The following CFDP1 variants were observed in gnomAD, a reference collection of about 807,000 sequenced individuals.
CFDP1 encodes chromatin remodeling protein CFDP1.
Under a neutral mutation model 40.1 loss-of-function variants are expected in CFDP1, and 31 were observed. That is an observed-to-expected ratio of 0.77 (90% CI 0.58 to 1.04). CFDP1 has a LOEUF of 1.04. Among genes scored for constraint, CFDP1 ranks in the 50% least tolerant of loss-of-function variants. The pLI, the probability that CFDP1 is intolerant of heterozygous loss-of-function variation, is 0.00. For synonymous variants in CFDP1, 167 were observed against 120.0 expected (o/e 1.39, Z -2.56); for missense variants, 423 against 343.4 (o/e 1.23, Z -1.83).
intron 5 of CFDP1, among the ~76,000 whole-genome samples, chr16:75,361,959 A>C (rs1001437119): frequency 5.9e-5 from 9 of 152,176 alleles, no homozygotes; most frequent in African/African-American, 2.2e-4. Flanking sequence ...CAAGCAAAAG[A>C]GCCTGTCTTG....
At chr16:75,333,145 A>G (rs982337604) in intron 5 of CFDP1, among the ~76,000 whole-genome samples, 40 of 108,608 alleles carry the variant, frequency 3.7e-4, no homozygotes, top group Non-Finnish European at 1.1e-4. Context: ...TTTTTTTGAG[A>G]TGGAGTCTCG....
chr16:75,391,778 G>C (rs1392303388), intron 5 of CFDP1, among the ~76,000 whole-genome samples: 2 of 151,846 alleles, frequency 1.3e-5, no homozygotes, highest in Non-Finnish European at 2.9e-5. Flanking sequence ...AGACCAGCCT[G>C]GACAACATGG....
chr16:75,404,729 G>C (rs762553268), intron 4 of CFDP1, among the ~76,000 whole-genome samples: 10 of 151,218 alleles, frequency 6.6e-5, no homozygotes, highest in Non-Finnish European at 1.5e-4. Context: ...TAAAACCAAT[G>C]CTGTGAAATA....
At chr16:75,335,278 GC>G (rs1285650828) in intron 5 of CFDP1, among the ~76,000 whole-genome samples, 1 of 152,140 alleles carries the variant, frequency 6.6e-6, no homozygotes, top group African/African-American at 2.4e-5. Flanking sequence ...TCTTGTCAGT[GC>G]CCCTTTGCCC....
intron 5 of CFDP1, among the ~76,000 whole-genome samples, chr16:75,311,503 CAT>C (rs945323376): frequency 2.6e-4 from 40 of 152,110 alleles, no homozygotes; most frequent in African/African-American, 8.9e-4. Flanking sequence ...CACTTTTTCT[CAT>C]AACAAAATAT....
intron 5 of CFDP1, among the ~76,000 whole-genome samples, chr16:75,316,990 G>C (rs2078327533): frequency 6.6e-6 from 1 of 151,776 alleles, no homozygotes; most frequent in African/African-American, 2.4e-5. Context: ...CTCAAAAAAA[G>C]ATAATAAATA....
chr16:75,422,210 C>G (rs892763546), intron 1 of CFDP1, among the ~76,000 whole-genome samples: 1 of 152,080 alleles, frequency 6.6e-6, no homozygotes, highest in East Asian at 1.9e-4. Flanking sequence ...TATTCTCCTG[C>G]CTCAGCCTCC....
intron 5 of CFDP1, among the ~76,000 whole-genome samples, chr16:75,309,474 T>C (rs775581664): frequency 2.0e-5 from 3 of 151,814 alleles, no homozygotes; most frequent in Non-Finnish European, 4.4e-5. Flanking sequence ...CTGTGTATAT[T>C]GGAAAACTGT....
At chr16:75,308,734 C>T (rs2078274506) in intron 5 of CFDP1, among the ~76,000 whole-genome samples, 1 of 152,200 alleles carries the variant, frequency 6.6e-6, no homozygotes, top group South Asian at 2.1e-4. Flanking sequence ...TGGGCAGCAC[C>T]ACAAGCTATG....
chr16:75,356,647 T>A (rs1043137310), intron 5 of CFDP1, among the ~76,000 whole-genome samples: 2 of 152,146 alleles, frequency 1.3e-5, no homozygotes, highest in Non-Finnish European at 2.9e-5. Flanking sequence ...TCACTCGAAA[T>A]TTTGAAGCCA....
intron 5 of CFDP1, among the ~76,000 whole-genome samples, chr16:75,346,350 G>A (rs1434692818): frequency 8.5e-5 from 13 of 152,112 alleles, no homozygotes; most frequent in African/African-American, 2.4e-4. Flanking sequence ...TTGGCAGGCC[G>A]AGGCAGGTGG....
In CFDP1 at chr16:75,297,656, T is replaced by TC. The variant is rs902299222; in HGVS notation, c.810-3615dup. Among the ~76,000 whole-genome samples, 4 of 152,176 alleles carry TC rather than the reference T, an allele frequency of 2.6e-5. No homozygotes were observed. In the South Asian group the frequency reaches 6.2e-4, roughly 24 times the overall value. ...AAGCCTAGTGGTGGGGGATGCATCATCCCTTTCTGCTTCCATTGCCTTCTG... is the reference window on the plus strand; with the variant it reads ...AAGCCTAGTGGTGGGGGATGCATCATCCCCTTTCTGCTTCCATTGCCTTCTG... On this transcript the variant is annotated intron_variant, in intron 6 of 6. Coordinates refer to ENST00000283882, the MANE Select transcript of CFDP1 (RefSeq NM_006324.3).
At chr16:75,299,675 A>G (rs1179114482) in intron 6 of CFDP1, among the ~76,000 whole-genome samples, 9 of 152,120 alleles carry the variant, frequency 5.9e-5, no homozygotes, top group Non-Finnish European at 1.3e-4. Context: ...ATGGGTGTTT[A>G]GACACTGCCA....
chr16:75,386,812 G>A (rs192882761), intron 5 of CFDP1, among the ~76,000 whole-genome samples: 16 of 152,282 alleles, frequency 1.1e-4, no homozygotes. Context: ...CGAATTGTCA[G>A]ATATCCTCTT....
At chr16:75,304,334 C>A (rs2078243553) in intron 6 of CFDP1, among the ~76,000 whole-genome samples, 1 of 152,224 alleles carries the variant, frequency 6.6e-6, no homozygotes, top group Non-Finnish European at 1.5e-5. Context: ...TCCGAAAGTG[C>A]CAAGATTACA....
intron 5 of CFDP1, among the ~76,000 whole-genome samples, chr16:75,332,691 T>C (rs62059808): frequency 0.32 from 47,505 of 150,696 alleles, 8,758 homozygotes; most frequent in East Asian, 0.54. Context: ...AAAAAAGAGT[T>C]GTCTATATTT....
chr16:75,351,873 T>G (rs1188740066), intron 5 of CFDP1, among the ~76,000 whole-genome samples: 4 of 150,856 alleles, frequency 2.7e-5, no homozygotes, highest in Non-Finnish European at 5.9e-5. Context: ...CCAGGTGTGG[T>G]GGCACACGCC....
intron 5 of CFDP1, chr16:75,391,602 C>T (rs2151559929): frequency 6.6e-6 from 1 of 152,206 alleles, no homozygotes; most frequent in East Asian, 1.9e-4. Flanking sequence ...TTTTACATAC[C>T]TATTTTTATA....
chr16:75,370,103 T>G (rs920461474), intron 5 of CFDP1, among the ~76,000 whole-genome samples: 1 of 151,304 alleles, frequency 6.6e-6, no homozygotes, highest in Non-Finnish European at 1.5e-5. Context: ...ATTACTTTTT[T>G]TTTTTTGAGG....
Sources: gnomAD v4.1 joint callset for allele counts (sites outside exome capture counted in the v4.1 genomes callset) on GRCh38, gnomAD v4.1.1 for gene constraint, MANE v1.5 for transcripts, NCBI Gene and HGNC (gene_info 2026-07-23, HGNC 2026-07-21) for gene names.